GCNT1: variants seen among roughly 807,000 people sequenced by gnomAD.
The protein encoded by GCNT1 is glucosaminyl (N-acetyl) transferase 1, also known as beta-1,3-galactosyl-O-glycosyl-glycoprotein beta-1,6-N-acetylglucosaminyltransferase.
Under a neutral mutation model 26.2 loss-of-function variants are expected in GCNT1, and 16 were observed. That is an observed-to-expected ratio of 0.61 (90% CI 0.41 to 0.93). The LOEUF (loss-of-function observed/expected upper bound fraction) is 0.93, where lower values mean the gene tolerates loss of function less well. Among genes scored for constraint, GCNT1 ranks in the 40% least tolerant of loss-of-function variants. The pLI is 0.00. For missense variants in GCNT1, 477 were observed against 526.7 expected, an observed-to-expected ratio of 0.91 and a Z score of 0.92; for synonymous variants, 183 against 190.8, an observed-to-expected ratio of 0.96 and a Z score of 0.34.
At position 76,503,563 on chromosome 9, in the gene GCNT1, A is replaced by T. The variant is rs774119437; in HGVS notation, c.1182A>T (p.Lys394Asn). ...GTGACTTGAACTGGATGCTGCGCAA[A>T]CACCACTTGTTTGCCAATAAGTTTG... ...GAGDLNWMLR[K>N]HHLFANKFDV... Residue 394 changes from lysine (K) to asparagine (N), a missense_variant, in exon 4 of 4, where the codon AAA (lysine) becomes AAT (asparagine). By Grantham distance (94) the Lys-to-Asn change is moderately conservative. Transcript: ENST00000376730. The T allele has an allele frequency of 6.2e-7, 1 of 1,614,164 alleles. No individual in the cohort carries two copies. The highest frequency in any genetic ancestry group is 8.5e-7 in the Non-Finnish European group (1 of 1,180,014).
the GCNT1 span, among the ~76,000 whole-genome samples, chr9:76,413,639 TTTTG>T: frequency 3.6e-5 from 3 of 83,248 alleles, no homozygotes; most frequent in Admixed American, 3.5e-4. Flanking sequence ...CTAGGGTTTT[TTTTG>T]TTTTGTTTTG....
At chr9:76,443,630 C>T (rs1462153884) in intron 1 of GCNT1, among the ~76,000 whole-genome samples, 1 of 152,196 alleles carries the variant, frequency 6.6e-6, no homozygotes, top group Non-Finnish European at 1.5e-5. Flanking sequence ...GAACATGTCA[C>T]AGTGCTGCAG....
At chr9:76,402,863 A>G in the GCNT1 span, among the ~76,000 whole-genome samples, 3 of 152,080 alleles carry the variant, frequency 2.0e-5, no homozygotes. Flanking sequence ...TGTTTTTAGT[A>G]GAGACGGGGT....
At chr9:76,431,653 C>T (rs1341344672) in intron 1 of GCNT1, among the ~76,000 whole-genome samples, 1 of 152,154 alleles carries the variant, frequency 6.6e-6, no homozygotes, top group Non-Finnish European at 1.5e-5. Context: ...TGAACTCAAT[C>T]TCCAGCCCCA....
At chr9:76,434,979 G>A (rs188521492) in intron 1 of GCNT1, among the ~76,000 whole-genome samples, 10 of 152,182 alleles carry the variant, frequency 6.6e-5, no homozygotes, top group East Asian at 5.8e-4. Flanking sequence ...CTCTGCTCTC[G>A]AACCATGTTT....
At chr9:76,403,237 C>T in the GCNT1 span, among the ~76,000 whole-genome samples, 1 of 152,134 alleles carries the variant, frequency 6.6e-6, no homozygotes, top group Admixed American at 6.5e-5. Context: ...TTAATAGGGT[C>T]CACTCCAAAT....
At chr9:76,475,618 TAAG>T (rs144621553) in intron 2 of GCNT1, among the ~76,000 whole-genome samples, 4,142 of 152,268 alleles carry the variant, frequency 0.027, 168 homozygotes, top group African/African-American at 0.095. Context: ...CCGAGGCCAC[TAAG>T]GGCTCTCCAA....
chr9:76,453,334 C>T (rs11144908), intron 1 of GCNT1, among the ~76,000 whole-genome samples: 1 of 151,790 alleles, frequency 6.6e-6, no homozygotes, highest in African/African-American at 2.4e-5. Context: ...TTCAAGGCAA[C>T]AAAAGAGAAG....
At chr9:76,397,405 G>A in the GCNT1 span, among the ~76,000 whole-genome samples, 21 of 151,684 alleles carry the variant, frequency 1.4e-4, no homozygotes, top group African/African-American at 5.1e-4. Context: ...AGTCATATGG[G>A]TAATTACTGT....
intron 1 of GCNT1, among the ~76,000 whole-genome samples, chr9:76,423,754 T>G (rs1823229041): frequency 6.6e-6 from 1 of 152,252 alleles, no homozygotes; most frequent in South Asian, 2.1e-4. Flanking sequence ...AGCTATGACA[T>G]AGTTTGATGA....
intron 2 of GCNT1, among the ~76,000 whole-genome samples, chr9:76,463,070 A>G (rs1639252585): frequency 6.6e-6 from 1 of 152,236 alleles, no homozygotes; most frequent in Admixed American, 6.5e-5. Flanking sequence ...TACATAATGT[A>G]TGATATAATT....
intron 1 of GCNT1, among the ~76,000 whole-genome samples, chr9:76,428,265 C>CAA (rs869195487): frequency 0.026 from 751 of 28,468 alleles, 45 homozygotes; most frequent in Middle Eastern, 0.045. Context: ...GACTCCGTCT[C>CAA]AAAAAAAAAA....
At chr9:76,438,436 A>G (rs368934776), upstream of GCNT1, among the ~76,000 whole-genome samples, 6 of 152,340 alleles carry the variant, frequency 3.9e-5, no homozygotes, top group East Asian at 9.6e-4. Flanking sequence ...TCAGTAGCAG[A>G]CTTTGTAGAG....
upstream of GCNT1, among the ~76,000 whole-genome samples, chr9:76,454,393 A>G (rs1823718366): frequency 2.1e-5 from 3 of 142,670 alleles, no homozygotes; most frequent in Non-Finnish European, 3.0e-5. Flanking sequence ...AAAGAAAAAA[A>G]AAAAAAAAAA....
the GCNT1 span, among the ~76,000 whole-genome samples, chr9:76,397,697 G>A: frequency 5.6e-4 from 85 of 152,232 alleles, 2 homozygotes; most frequent in Non-Finnish European, 2.1e-4. Flanking sequence ...ACCTTCCTCG[G>A]CCTCCCAAGA....
At chr9:76,406,884 T>G in the GCNT1 span, among the ~76,000 whole-genome samples, 5 of 151,052 alleles carry the variant, frequency 3.3e-5, no homozygotes, top group Non-Finnish European at 7.4e-5. Flanking sequence ...CTATTAAAAA[T>G]ACAATAATTA....
chr9:76,475,679 G>A (rs1259180651), intron 2 of GCNT1, among the ~76,000 whole-genome samples: 1 of 152,188 alleles, frequency 6.6e-6, no homozygotes, highest in East Asian at 1.9e-4. Context: ...GTGGGATTCA[G>A]TGCTGAAGTG....
chr9:76,477,774 A>G (rs1316080715), intron 2 of GCNT1, among the ~76,000 whole-genome samples: 1 of 152,136 alleles, frequency 6.6e-6, no homozygotes, highest in Non-Finnish European at 1.5e-5. Context: ...ACTCATGAAA[A>G]CAGTAGCTCC....
chr9:76,399,690 A>G, the GCNT1 span: 2 of 673,820 alleles, frequency 3.0e-6, no homozygotes, highest in Non-Finnish European at 5.1e-6. Context: ...ACCCCAATCC[A>G]TTTTTACCCC....
Sources: allele counts gnomAD v4.1 joint callset (sites outside exome capture counted in the v4.1 genomes callset), GRCh38; gene constraint gnomAD v4.1.1; transcripts MANE v1.5; gene names NCBI Gene and HGNC (gene_info 2026-07-23, HGNC 2026-07-21).